The following AXIN1 variants were observed in gnomAD, a reference collection of about 807,000 sequenced individuals.
The protein encoded by AXIN1 is axin 1.
AXIN1 carries 30 observed loss-of-function variants against 76.4 expected under a neutral mutation model. The ratio of observed to expected loss-of-function variants is 0.39; its 90% confidence interval spans 0.29 to 0.53. The LOEUF is 0.53. Ranked by LOEUF, AXIN1 falls within the 20% of genes least tolerant of loss-of-function variation. AXIN1 has a pLI of 0.66. For synonymous variants in AXIN1, 545 were observed against 501.4 expected (o/e 1.09, Z -1.16); for missense variants, 1,140 against 1,198.8 (o/e 0.95, Z 0.72).
intron 8 of AXIN1, chr16:292,727 T>C (rs2052600980): frequency 6.6e-6 from 1 of 152,294 alleles, no homozygotes; most frequent in East Asian, 1.9e-4. Flanking sequence ...AAAACTGGCC[T>C]TATGAGCAAG....
In AXIN1 at chr16:293,675, G is replaced by A. The variant is rs1299618081; in HGVS notation, c.1999C>T (p.Pro667Ser). 5.0e-6 allele frequency: 8 copies of A among 1,613,758 alleles called. No individual in the cohort carries two copies. The highest frequency in any genetic ancestry group is 1.3e-5 in the African/African-American group (1 of 75,010). The change falls in exon 8 of 11, where the codon CCC (proline) becomes TCC (serine). Residue 667 changes from proline to serine, a missense_variant. Physicochemically the swap from Pro to Ser is moderately conservative, Grantham distance 74. Coordinates refer to ENST00000262320, the MANE Select transcript of AXIN1 (RefSeq NM_003502.4). The surrounding 1 kb of genome is among the most constrained non-coding windows in gnomAD (Gnocchi z 4.6). ...RKPQPHENSR[P>S]LSLEHPWAGP... ...GCCCAGGGGTGCTCAAGGGACAAGG[G>A]TCTGGAGTTCTCATGGGGCTGTGGC... is the stretch of plus-strand genomic sequence containing the variant.
chr16:289,442 G>A lies in AXIN1; in HGVS notation c.2460C>T (p.Tyr820=), dbSNP rs1477523686. The A allele has an allele frequency of 6.2e-7, 1 of 1,612,840 alleles. No homozygotes were observed. Among genetic ancestry groups the A allele is most frequent in the African/African-American group, 1.3e-5 (1 of 75,056 alleles). Residue 820 remains tyrosine (Y), a splice_region_variant and synonymous_variant, in exon 10 of 11, where the codon TAC becomes TAT. Transcript: ENST00000262320. ...GGCACCCCAGCCCTCACACTCACCT[G>A]TAGCTGCCCTTTTTGGTCAGCAGCT... ...FKELLTKKGS[Y]RYYFKKVSDE... is the part of the protein sequence containing the mutation.
chr16:320,808 C>T (rs954637539), intron 2 of AXIN1, among the ~76,000 whole-genome samples: 2 of 145,138 alleles, frequency 1.4e-5, no homozygotes, highest in African/African-American at 2.6e-5. Flanking sequence ...GGCGCGATCT[C>T]GGCTCACTAC....
At position 315,759 on chromosome 16, in the gene AXIN1, C is replaced by T. The variant is rs11642952; in HGVS notation, c.879-1076G>A. Reference sequence around the variant, plus strand: ...GGGAGAATAGCGTGAACCTGGGAGGCGGAGCTTGCAGTAAGCTGAGATCAC... The same window carrying T: ...GGGAGAATAGCGTGAACCTGGGAGGTGGAGCTTGCAGTAAGCTGAGATCAC... On this transcript the variant is annotated intron_variant, in intron 2 of 10. Coordinates refer to ENST00000262320, the MANE Select transcript of AXIN1 (RefSeq NM_003502.4). Among the ~76,000 whole-genome samples, 1,375 of 146,270 alleles carry T rather than the reference C, an allele frequency of 9.4e-3. 14 individuals are homozygous for T. Among genetic ancestry groups the T allele is most frequent in the Non-Finnish European group, 0.013 (885 of 67,216 alleles).
At chr16:304,176 G>C in intron 5 of AXIN1, 128 bp downstream of exon 5, 3 of 1,487,010 alleles carry the variant, frequency 2.0e-6, no homozygotes. Context: ...GGACTCAGCC[G>C]GGAGGCCTCA....
rs529073883 is a variant in AXIN1, at chr16:338,395, A to C, written c.878+7753T>G. 1.2e-3 allele frequency among the ~76,000 whole-genome samples: 180 copies of C among 152,342 alleles called. 1 individual carries two copies. The highest frequency in any genetic ancestry group is 1.9e-3 in the Non-Finnish European group (130 of 68,022). On this transcript the variant is annotated intron_variant, in intron 2 of 10. Transcript: ENST00000262320. The stretch of plus-strand genomic sequence containing the variant: ...GGGCCAGGCACACAGTCTCATCGGC[A>C]CGTCTGCCACTGGCTGTCTGCAAAG...
Position 287,464 on chromosome 16 carries a change from C to CATT in AXIN1, c.*655_*657dup. On this transcript the variant is annotated 3_prime_UTR_variant, in exon 11 of 11. Coordinates refer to ENST00000262320, the MANE Select transcript of AXIN1 (RefSeq NM_003502.4). Reference sequence around the variant, plus strand: ...GGCAGGTTCAAAAACAGTTTTATTTCATTATTATCCAAGTACCTTTGAAAA... The same window carrying CATT: ...GGCAGGTTCAAAAACAGTTTTATTTCATTATTATTATCCAAGTACCTTTGAAAA... 2 of 415,894 alleles carry CATT rather than the reference C, an allele frequency of 4.8e-6. No homozygotes were observed. Among genetic ancestry groups the CATT allele is most frequent in the Non-Finnish European group, 8.6e-6 (2 of 232,424 alleles). The allele number at this position is 415,894 out of a possible 1,614,324, so 25.8% of individuals were successfully genotyped here. A position where few individuals can be genotyped will look rare whatever the true frequency, so the allele number is the denominator to read the frequency against.
At chr16:315,022 T>C (rs1306672773) in intron 2 of AXIN1, among the ~76,000 whole-genome samples, 1 of 152,244 alleles carries the variant, frequency 6.6e-6, no homozygotes, top group African/African-American at 2.4e-5. Flanking sequence ...CTGCTCATTC[T>C]GCAGTGCGCG....
At position 352,531 on chromosome 16, in the gene AXIN1, G is replaced by A; in HGVS notation, c.-244C>T. On this transcript the variant is annotated 5_prime_UTR_variant, in exon 1 of 11. Coordinates refer to ENST00000262320, the MANE Select transcript of AXIN1 (RefSeq NM_003502.4). ...GCGGCTCGGCGGCCCGGAGGCGGACGCGGGGCAGGCCGCGGGGGCGCCGCA... is the reference window on the plus strand; with the variant it reads ...GCGGCTCGGCGGCCCGGAGGCGGACACGGGGCAGGCCGCGGGGGCGCCGCA... The A allele has an allele frequency of 1.8e-6, 1 of 569,858 alleles. No homozygotes were observed. Among genetic ancestry groups the A allele is most frequent in the Non-Finnish European group, 2.2e-6 (1 of 453,110 alleles). The allele number at this position is 569,858 out of a possible 1,614,324, so 35.3% of individuals were successfully genotyped here.
intron 1 of AXIN1, among the ~76,000 whole-genome samples, chr16:350,275 A>ACC (rs2054115548): frequency 2.0e-5 from 3 of 152,198 alleles, no homozygotes; most frequent in Admixed American, 1.3e-4. Context: ...CTGGGTTCCC[A>ACC]CAGGGAAGCA....
chr16:326,619 G>A (rs1197363685), intron 2 of AXIN1, among the ~76,000 whole-genome samples: 1 of 150,784 alleles, frequency 6.6e-6, no homozygotes, highest in East Asian at 2.0e-4. Context: ...GTGGTGGCAC[G>A]CCTGTAGTCC....
At chr16:290,946 G>A in intron 9 of AXIN1, 2 of 573,858 alleles carry the variant, frequency 3.5e-6, no homozygotes, top group Non-Finnish European at 6.3e-6. Flanking sequence ...CTGTGCCCAG[G>A]CCTCCAGCCG....
Position 297,096 on chromosome 16 carries a change from C to A in AXIN1, c.1915G>T (p.Gly639Trp). The change falls in exon 7 of 11, where the codon GGG becomes TGG. Residue 639 changes from glycine (G) to tryptophan (W), a missense_variant. By Grantham distance (184) the Gly-to-Trp change is radical. Transcript: ENST00000262320. ...NQKIMQWIIE[G>W]EKEISRHRRT... ...CGGTGCCTGCTGATCTCCTTTTCCC[C>A]CTCAATGATCCACTGCATGATTTTC... The A allele has an allele frequency of 6.2e-7, 1 of 1,612,716 alleles. No homozygotes were observed. The highest frequency in any genetic ancestry group is 8.5e-7 in the Non-Finnish European group (1 of 1,179,940).
intron 2 of AXIN1, among the ~76,000 whole-genome samples, chr16:345,399 G>A (rs949267288): frequency 2.0e-5 from 3 of 152,244 alleles, no homozygotes; most frequent in East Asian, 3.8e-4. Context: ...CCTGTAGGAA[G>A]AAGCTTAGAA....
rs1476560902 is a variant in AXIN1, at chr16:297,846, C to A, written c.1660G>T (p.Ala554Ser). The change falls in exon 6 of 11, where the codon GCC (alanine) becomes TCC (serine). Residue 554 changes from alanine to serine, a missense_variant. Transcript: ENST00000262320. ...ARPKEQVEAE[A>S]TRRAQSSFAW... ...AAGCTGCTCTGGGCCCTGCGGGTGG[C>A]CTCGGCCTCCACCTGCTCCTTGGGC... The A allele has an allele frequency of 1.3e-6, 2 of 1,577,272 alleles. No individual in the cohort carries two copies. Among genetic ancestry groups the A allele is most frequent in the Non-Finnish European group, 1.7e-6 (2 of 1,160,684 alleles).
intron 7 of AXIN1, among the ~76,000 whole-genome samples, chr16:295,479 G>A (rs939719696): frequency 6.6e-6 from 1 of 151,914 alleles, no homozygotes; most frequent in Non-Finnish European, 1.5e-5. Context: ...AGTCCAGGAG[G>A]CTGAGACTGC....
chr16:340,169 G>A (rs1173314055), intron 2 of AXIN1, among the ~76,000 whole-genome samples: 2 of 152,100 alleles, frequency 1.3e-5, no homozygotes, highest in African/African-American at 4.8e-5. Flanking sequence ...GAACGGCAAG[G>A]GCTGGCTGCC....
chr16:331,151 A>G lies in AXIN1; in HGVS notation c.878+14997T>C, dbSNP rs191094916. ...GACCAGCTCTCAGTGCTGAAGCTAC[A>G]AGACGAAAATAACAACTTCTGAAAG... On this transcript the variant is annotated intron_variant, in intron 2 of 10. Coordinates refer to ENST00000262320, the MANE Select transcript of AXIN1 (RefSeq NM_003502.4). 1.2e-3 allele frequency among the ~76,000 whole-genome samples: 178 copies of G among 152,352 alleles called. 2 individuals are homozygous for G. The highest frequency in any genetic ancestry group is 0.01 in the East Asian group (52 of 5,184).
At position 320,767 on chromosome 16, in the gene AXIN1, C is replaced by T. The variant is rs1474726876; in HGVS notation, c.879-6084G>A. ...TATTTTTTTTTTTTTTGAGACGGAGCCTCGCTCTTTCGCCCAGACTGGAGT... is the reference window on the plus strand; with the variant it reads ...TATTTTTTTTTTTTTTGAGACGGAGTCTCGCTCTTTCGCCCAGACTGGAGT... On this transcript the variant is annotated intron_variant, in intron 2 of 10. Coordinates refer to ENST00000262320, the MANE Select transcript of AXIN1 (RefSeq NM_003502.4). Among the ~76,000 whole-genome samples the T allele has an allele frequency of 2.0e-4, 16 of 78,372 alleles. No homozygotes were observed. The South Asian group carries it at 2.4e-3, about 12-fold the overall frequency. The allele number at this position is 78,372 out of a possible 152,430, so 51.4% of individuals were successfully genotyped here.
Sources: gnomAD v4.1 joint callset for allele counts (sites outside exome capture counted in the v4.1 genomes callset) on GRCh38, gnomAD v4.1.1 for gene constraint, Gnocchi (gnomAD v3.1) non-coding constraint, MANE v1.5 for transcripts, NCBI Gene and HGNC (gene_info 2026-07-23, HGNC 2026-07-21) for gene names.